LYRM4: variants seen among roughly 807,000 people sequenced by gnomAD.
LYRM4 encodes LYR motif-containing protein 4.
A neutral mutation model predicts 11.7 loss-of-function variants in LYRM4; 9 were observed. That is an observed-to-expected ratio of 0.77 (90% CI 0.46 to 1.34). The LOEUF (loss-of-function observed/expected upper bound fraction) is 1.34. Among genes scored for constraint, LYRM4 ranks in the 40% most tolerant of loss-of-function variants. LYRM4 has a pLI of 0.00. For missense variants in LYRM4, 133 were observed against 112.5 expected, an observed-to-expected ratio of 1.18 and a Z score of -0.82; for synonymous variants, 42 against 40.4, an observed-to-expected ratio of 1.04 and a Z score of -0.15.
chr6:5,086,085 C>G, the LYRM4 span: 3 of 1,467,896 alleles, frequency 2.0e-6, no homozygotes, highest in Admixed American at 4.9e-5. Context: ...TCCGGCCGCT[C>G]TTCCAGCTCC....
chr6:5,107,797 G>C (rs1477226178), downstream of LYRM4: 1 of 152,052 alleles, frequency 6.6e-6, no homozygotes, highest in African/African-American at 2.4e-5. Context: ...GGGGGCCGAG[G>C]AGTTCAAGAC....
chr6:5,203,710 A>G (rs1761525516), intron 2 of LYRM4, among the ~76,000 whole-genome samples: 1 of 152,180 alleles, frequency 6.6e-6, no homozygotes, highest in African/African-American at 2.4e-5. Flanking sequence ...GCGGCCGGGG[A>G]AGTCAGACGT....
chr6:5,175,582 C>T (rs1414308701), intron 2 of LYRM4, among the ~76,000 whole-genome samples: 1 of 152,232 alleles, frequency 6.6e-6, no homozygotes, highest in South Asian at 2.1e-4. Context: ...CAGTGGAATA[C>T]TAAGGAGAGG....
At chr6:5,085,554 G>A in the LYRM4 span, 160 of 1,541,772 alleles carry the variant, frequency 1.0e-4, no homozygotes, top group Non-Finnish European at 1.3e-4. Context: ...AGGCCCCGCC[G>A]GCCGAGGAGC....
chr6:5,084,557 C>A, the LYRM4 span: 2 of 151,948 alleles, frequency 1.3e-5, no homozygotes, highest in Non-Finnish European at 2.9e-5. Context: ...AGGGGCGGGA[C>A]GTGCTCCCGG....
At chr6:5,239,765 T>C (rs1396378132) in intron 1 of LYRM4, among the ~76,000 whole-genome samples, 1 of 152,174 alleles carries the variant, frequency 6.6e-6, no homozygotes, top group Non-Finnish European at 1.5e-5. Flanking sequence ...AGGGTATCAC[T>C]GACTTCCTAA....
chr6:5,219,072 G>C (rs773105836), intron 1 of LYRM4, among the ~76,000 whole-genome samples: 50 of 152,030 alleles, frequency 3.3e-4, no homozygotes, highest in Non-Finnish European at 2.2e-4. Flanking sequence ...TTTTCATTTC[G>C]TATGCTGCAT....
At chr6:5,127,715 C>T (rs959558462) in intron 2 of LYRM4, among the ~76,000 whole-genome samples, 1 of 152,076 alleles carries the variant, frequency 6.6e-6, no homozygotes, top group African/African-American at 2.4e-5. Context: ...TTTGCCTGTT[C>T]TTTTTTGCTT....
intron 2 of LYRM4, among the ~76,000 whole-genome samples, chr6:5,175,926 G>A (rs1561849439): frequency 6.6e-6 from 1 of 152,050 alleles, no homozygotes; most frequent in Non-Finnish European, 1.5e-5. Context: ...CCTGTCTCCG[G>A]GTGATTCCAA....
rs945256597 is a variant in LYRM4 at position 5,260,546 on chromosome 6, C to G, written c.86+102G>C. 64 of 1,466,678 alleles carry G rather than the reference C, an allele frequency of 4.4e-5. No individual in the cohort carries two copies. In the African/African-American group the frequency reaches 7.8e-4, roughly 18 times the overall value. The allele number at this position is 1,466,678 out of a possible 1,614,324, so 90.9% of individuals were successfully genotyped here. Reference sequence around the variant, plus strand: ...TCCTTGCCTCGCAGCCGCCGGCAAACCACGGTGGCTCCCAGTCCCCGGGGA... The same window carrying G: ...TCCTTGCCTCGCAGCCGCCGGCAAAGCACGGTGGCTCCCAGTCCCCGGGGA... On this transcript the variant is annotated intron_variant, in intron 1 of 2. Coordinates refer to ENST00000330636, the MANE Select transcript of LYRM4 (RefSeq NM_020408.6).
At chr6:5,084,317 T>G in the LYRM4 span, among the ~76,000 whole-genome samples, 12 of 152,282 alleles carry the variant, frequency 7.9e-5, no homozygotes, top group African/African-American at 2.6e-4. Flanking sequence ...GGCCTCAGGT[T>G]CGGGCCTTGG....
chr6:5,227,785 A>G (rs1316358253), intron 1 of LYRM4, among the ~76,000 whole-genome samples: 4 of 152,212 alleles, frequency 2.6e-5, no homozygotes, highest in Admixed American at 2.0e-4. Flanking sequence ...CATTTACACC[A>G]CAGAATACTA....
At chr6:5,199,658 GT>G (rs1761274105) in intron 2 of LYRM4, among the ~76,000 whole-genome samples, 1 of 152,162 alleles carries the variant, frequency 6.6e-6, no homozygotes, top group Non-Finnish European at 1.5e-5. Flanking sequence ...TGGCCCTGAA[GT>G]TGAGAAAAAT....
At chr6:5,074,084 A>C in the LYRM4 span, among the ~76,000 whole-genome samples, 6 of 152,206 alleles carry the variant, frequency 3.9e-5, no homozygotes, top group African/African-American at 1.2e-4. Context: ...ATTTGTCCCT[A>C]ATTCACCTGC....
At chr6:5,129,318 T>C (rs1294535391) in intron 2 of LYRM4, among the ~76,000 whole-genome samples, 7 of 152,210 alleles carry the variant, frequency 4.6e-5, no homozygotes, top group African/African-American at 2.4e-5. Flanking sequence ...TTTATTCTCT[T>C]ACAGTTATGG....
chr6:5,205,991 C>T lies in LYRM4; in HGVS notation c.207+10627G>A, dbSNP rs1043981982. On this transcript the variant is annotated intron_variant, in intron 2 of 2. Coordinates refer to ENST00000330636, the MANE Select transcript of LYRM4 (RefSeq NM_020408.6). ...AACAGGCCCCGCTGCTGGAGCCGAC[C>T]GTGAAGAACCAGCATTACATAACTC... is the stretch of plus-strand genomic sequence containing the variant. Among the ~76,000 whole-genome samples, 9 of 152,168 alleles carry T rather than the reference C, an allele frequency of 5.9e-5. No homozygotes were observed. The South Asian group carries it at 6.2e-4, about 11-fold the overall frequency.
the LYRM4 span, among the ~76,000 whole-genome samples, chr6:5,062,241 C>T: frequency 6.9e-6 from 1 of 144,124 alleles, no homozygotes; most frequent in African/African-American, 2.6e-5. Context: ...CACACCAACA[C>T]CCCAGCTAAT....
intron 2 of LYRM4, among the ~76,000 whole-genome samples, chr6:5,192,264 G>T (rs747630944): frequency 2.6e-5 from 4 of 152,122 alleles, no homozygotes; most frequent in African/African-American, 9.7e-5. Flanking sequence ...GATGGCCTGG[G>T]GTAGGGTGGT....
intron 2 of LYRM4, among the ~76,000 whole-genome samples, chr6:5,211,432 A>G (rs1761981403): frequency 6.6e-6 from 1 of 152,194 alleles, no homozygotes; most frequent in African/African-American, 2.4e-5. Flanking sequence ...TTGCTTAGCG[A>G]TCTACAAAAG....
Sources: allele counts gnomAD v4.1 joint callset (sites outside exome capture counted in the v4.1 genomes callset), GRCh38; gene constraint gnomAD v4.1.1; transcripts MANE v1.5; gene names NCBI Gene and HGNC (gene_info 2026-07-23, HGNC 2026-07-21).